Variants in CELF2 observed in about 807,000 individuals in gnomAD.
CELF2 encodes CUGBP Elav-like family member 2.
In CELF2, 8 loss-of-function variants were observed where a neutral mutation model predicts 62.6. That is an observed-to-expected ratio of 0.13 (90% CI 0.07 to 0.23). The LOEUF (loss-of-function observed/expected upper bound fraction) is 0.23, where lower values mean the gene tolerates loss of function less well. Ranked by LOEUF, CELF2 falls within the 10% of genes least tolerant of loss-of-function variation. The pLI is 1.00. For missense variants in CELF2, 333 were observed against 671.0 expected, an observed-to-expected ratio of 0.50 and a Z score of 5.56; for synonymous variants, 258 against 250.0, an observed-to-expected ratio of 1.03 and a Z score of -0.30.
the CELF2 span, among the ~76,000 whole-genome samples, chr10:10,583,983 G>A: frequency 7.2e-4 from 110 of 152,224 alleles, no homozygotes; most frequent in Non-Finnish European, 1.2e-3. Context: ...GGACTATATA[G>A]CCTCAAAGAT....
At chr10:11,119,872 C>T (rs548135683) in intron 1 of CELF2, among the ~76,000 whole-genome samples, 3 of 146,480 alleles carry the variant, frequency 2.0e-5, no homozygotes, top group Admixed American at 6.8e-5. Flanking sequence ...CCTCCCCCCC[C>T]CCGGCCCCCG....
chr10:10,724,530 C>A, the CELF2 span, among the ~76,000 whole-genome samples: 2 of 152,024 alleles, frequency 1.3e-5, no homozygotes, highest in Non-Finnish European at 2.9e-5. Flanking sequence ...GTGGCAGGTG[C>A]CTGTAATCCC....
At chr10:11,124,756 G>T (rs952550546) in intron 1 of CELF2, among the ~76,000 whole-genome samples, 5 of 152,128 alleles carry the variant, frequency 3.3e-5, no homozygotes, top group African/African-American at 1.2e-4. Flanking sequence ...TCTATTATAC[G>T]TGAAATTTCC....
At chr10:10,479,224 A>G in the CELF2 span, among the ~76,000 whole-genome samples, 1 of 152,116 alleles carries the variant, frequency 6.6e-6, no homozygotes. Flanking sequence ...GCTGGAGTGC[A>G]GTGGCACAAT....
intron 1 of CELF2, among the ~76,000 whole-genome samples, chr10:10,850,611 C>G (rs1429709712): frequency 1.3e-5 from 2 of 152,144 alleles, no homozygotes; most frequent in Non-Finnish European, 2.9e-5. Flanking sequence ...TGGAGAGCCA[C>G]AAAAGATAAT....
chr10:11,063,274 AG>A (rs910365754), intron 1 of CELF2, among the ~76,000 whole-genome samples: 1 of 152,206 alleles, frequency 6.6e-6, no homozygotes, highest in East Asian at 1.9e-4. Flanking sequence ...CACATACAGA[AG>A]GGGGCTACCT....
the CELF2 span, among the ~76,000 whole-genome samples, chr10:10,513,796 G>A: frequency 6.4e-4 from 97 of 152,252 alleles, no homozygotes; most frequent in Middle Eastern, 3.4e-3. Context: ...CCCATAGAAG[G>A]GACAAAAGCA....
rs57480937 is a variant in CELF2, at chr10:11,176,162, C to T, written c.271+10480C>T. On this transcript the variant is annotated intron_variant, in intron 2 of 12. Coordinates refer to ENST00000633077, the MANE Select transcript of CELF2 (RefSeq NM_001326342.2). Reference sequence around the variant, plus strand: ...GACGTTTTTTCCTTTCGGTTACATGCCCGTATCTCCTCTTTCCCCTTTTTC... The same window carrying T: ...GACGTTTTTTCCTTTCGGTTACATGTCCGTATCTCCTCTTTCCCCTTTTTC... Among the ~76,000 whole-genome samples, 752 of 152,242 alleles carry T rather than the reference C, an allele frequency of 4.9e-3. 9 individuals carry two copies. Among genetic ancestry groups the T allele is most frequent in the African/African-American group, 0.017 (717 of 41,544 alleles).
In CELF2 at chr10:11,117,161, A is replaced by G. The variant is rs565701662; in HGVS notation, c.75-48325A>G. Among the ~76,000 whole-genome samples the G allele has an allele frequency of 1.5e-3, 224 of 152,302 alleles. No homozygotes were observed. Among genetic ancestry groups the G allele is most frequent in the Non-Finnish European group, 2.4e-3 (163 of 68,032 alleles). On this transcript the variant is annotated intron_variant, in intron 1 of 12. Transcript: ENST00000633077. The surrounding 1 kb of genome is among the most constrained non-coding windows in gnomAD (Gnocchi z 4.1). The stretch of plus-strand genomic sequence containing the variant: ...TCACAGTGACAACCAGTGATAACCT[A>G]TTTTATTCCTTTATATCATCCCGCT...
chr10:11,284,600 GGATA>G (rs911639311), intron 8 of CELF2, among the ~76,000 whole-genome samples: 14 of 151,102 alleles, frequency 9.3e-5, no homozygotes, highest in Non-Finnish European at 1.3e-4. Flanking sequence ...GGTGAATGAT[GGATA>G]GATAGATGGA....
chr10:11,019,878 T>C (rs2058029418), intron 1 of CELF2, among the ~76,000 whole-genome samples: 1 of 152,180 alleles, frequency 6.6e-6, no homozygotes, highest in Non-Finnish European at 1.5e-5. Flanking sequence ...CGTTTTCTCC[T>C]CTAGAGGCTA....
intron 2 of CELF2, chr10:11,171,221 T>A (rs1745230): frequency 0.28 from 42,596 of 152,164 alleles, 6,188 homozygotes; most frequent in South Asian, 0.34. Context: ...TCTGGATGGA[T>A]CAGAAATTGT....
At chr10:10,732,316 G>A in the CELF2 span, among the ~76,000 whole-genome samples, 1 of 152,138 alleles carries the variant, frequency 6.6e-6, no homozygotes, top group African/African-American at 2.4e-5. Flanking sequence ...TGTAGACACT[G>A]AGCACAAAAG....
chr10:11,174,033 T>G (rs904289436), intron 2 of CELF2, among the ~76,000 whole-genome samples: 1 of 152,156 alleles, frequency 6.6e-6, no homozygotes, highest in African/African-American at 2.4e-5. Flanking sequence ...AGACATGAGG[T>G]TATCTGAGTG....
intron 10 of CELF2, among the ~76,000 whole-genome samples, chr10:11,320,596 T>C (rs964232988): frequency 3.3e-5 from 5 of 151,480 alleles, no homozygotes; most frequent in Non-Finnish European, 7.4e-5. Context: ...ACATCATCAT[T>C]CAGCTGTTTA....
intron 1 of CELF2, chr10:11,092,519 TGAA>T (rs1475974375): frequency 6.6e-6 from 1 of 152,142 alleles, no homozygotes; most frequent in African/African-American, 2.4e-5. Flanking sequence ...CATAAGGAAA[TGAA>T]GAGCTGAAGA....
chr10:11,128,472 T>C (rs945560627), intron 1 of CELF2, among the ~76,000 whole-genome samples: 12 of 152,226 alleles, frequency 7.9e-5, no homozygotes, highest in Non-Finnish European at 1.0e-4. Flanking sequence ...TTGGGCAGTA[T>C]GGCCATTTTC....
chr10:10,910,865 A>G (rs11256896), intron 1 of CELF2, among the ~76,000 whole-genome samples: 12,922 of 152,236 alleles, frequency 0.085, 1,159 homozygotes, highest in African/African-American at 0.23. Context: ...CTCTGAGACT[A>G]TCTTCAAGAG....
the CELF2 span, among the ~76,000 whole-genome samples, chr10:10,628,702 T>G: frequency 6.6e-6 from 1 of 152,204 alleles, no homozygotes; most frequent in Non-Finnish European, 1.5e-5. Context: ...GATGGACATT[T>G]GGGTTGGTTC....
Sources: gnomAD v4.1 joint callset for allele counts (sites outside exome capture counted in the v4.1 genomes callset) on GRCh38, gnomAD v4.1.1 for gene constraint, Gnocchi (gnomAD v3.1) non-coding constraint, MANE v1.5 for transcripts, NCBI Gene and HGNC (gene_info 2026-07-23, HGNC 2026-07-21) for gene names.